PPARGC1A: variants seen among roughly 807,000 people sequenced by gnomAD.
PPARGC1A encodes PPARG coactivator 1 alpha.
A neutral mutation model predicts 88.7 loss-of-function variants in PPARGC1A; 25 were observed. The observed-to-expected ratio is 0.28, with a 90% CI of 0.21 to 0.39. PPARGC1A has a LOEUF of 0.39. Among genes scored for constraint, PPARGC1A ranks in the 10% least tolerant of loss-of-function variants. The pLI, the probability that PPARGC1A is intolerant of heterozygous loss-of-function variation, is 1.00. For synonymous variants in PPARGC1A, 363 were observed against 355.6 expected, an observed-to-expected ratio of 1.02 and a Z score of -0.24; for missense variants, 880 against 968.7, an observed-to-expected ratio of 0.91 and a Z score of 1.22.
At chr4:24,332,186 C>T in the PPARGC1A span, among the ~76,000 whole-genome samples, 2 of 151,768 alleles carry the variant, frequency 1.3e-5, no homozygotes, top group Admixed American at 6.6e-5. Flanking sequence ...TTGTGTTGCC[C>T]AGGCTGATCT....
At chr4:24,015,421 G>A in the PPARGC1A span, among the ~76,000 whole-genome samples, 2 of 152,008 alleles carry the variant, frequency 1.3e-5, no homozygotes, top group African/African-American at 4.8e-5. Context: ...TGGTTTTATG[G>A]GTAAAACAGT....
chr4:23,859,826 A>G (rs138463247), intron 2 of PPARGC1A, among the ~76,000 whole-genome samples: 24,149 of 105,944 alleles, frequency 0.23, 2,947 homozygotes, highest in Middle Eastern at 0.37. Context: ...AAAATAAAAT[A>G]AAATAAAATA....
At chr4:24,100,602 C>T in the PPARGC1A span, among the ~76,000 whole-genome samples, 4 of 151,912 alleles carry the variant, frequency 2.6e-5, no homozygotes, top group Non-Finnish European at 4.4e-5. Flanking sequence ...ATATTGAGTG[C>T]CACAAAATGT....
intron 2 of PPARGC1A, among the ~76,000 whole-genome samples, chr4:23,841,467 T>C (rs1727040318): frequency 6.6e-6 from 1 of 152,084 alleles, no homozygotes; most frequent in Non-Finnish European, 1.5e-5. Flanking sequence ...CCTTAATTCA[T>C]AGCCAAAAGA....
chr4:23,844,793 TATG>T (rs1365671583), intron 2 of PPARGC1A, among the ~76,000 whole-genome samples: 104 of 125,028 alleles, frequency 8.3e-4, no homozygotes, highest in African/African-American at 3.0e-3. Flanking sequence ...TATAATAATA[TATG>T]ATATATATTA....
At chr4:23,878,239 C>G (rs1715199136) in intron 2 of PPARGC1A, among the ~76,000 whole-genome samples, 1 of 151,892 alleles carries the variant, frequency 6.6e-6, no homozygotes, top group South Asian at 2.1e-4. Context: ...TCATTGGTTT[C>G]TCCTATCCCA....
the PPARGC1A span, among the ~76,000 whole-genome samples, chr4:24,185,574 C>T: frequency 6.6e-6 from 1 of 152,202 alleles, no homozygotes; most frequent in Non-Finnish European, 1.5e-5. Flanking sequence ...GTTAGAGCAG[C>T]TGCCAACTTT....
At chr4:24,081,302 T>A in the PPARGC1A span, among the ~76,000 whole-genome samples, 2 of 151,886 alleles carry the variant, frequency 1.3e-5, no homozygotes, top group South Asian at 4.1e-4. Context: ...AGGCAAAAGG[T>A]GGGGTTAAGG....
the PPARGC1A span, among the ~76,000 whole-genome samples, chr4:24,000,640 C>T: frequency 6.6e-6 from 1 of 151,922 alleles, no homozygotes; most frequent in Non-Finnish European, 1.5e-5. Flanking sequence ...ACCCATTATC[C>T]AATAGGATTT....
At chr4:24,188,739 G>T in the PPARGC1A span, among the ~76,000 whole-genome samples, 1 of 152,054 alleles carries the variant, frequency 6.6e-6, no homozygotes, top group Non-Finnish European at 1.5e-5. Context: ...CAATATAGTG[G>T]TTGCTCAAAA....
the PPARGC1A span, among the ~76,000 whole-genome samples, chr4:24,057,653 G>A: frequency 6.6e-5 from 10 of 152,176 alleles, no homozygotes; most frequent in Admixed American, 3.3e-4. Flanking sequence ...TTAACACCAC[G>A]TGTGTACATC....
chr4:24,333,686 C>T, the PPARGC1A span, among the ~76,000 whole-genome samples: 3 of 152,052 alleles, frequency 2.0e-5, no homozygotes, highest in Admixed American at 6.5e-5. Flanking sequence ...GTAATCCCAG[C>T]ACTTTGGGAG....
chr4:24,187,056 C>T, the PPARGC1A span, among the ~76,000 whole-genome samples: 1 of 152,170 alleles, frequency 6.6e-6, no homozygotes, highest in Non-Finnish European at 1.5e-5. Flanking sequence ...TTAGGGACTT[C>T]TAGCTTTTCA....
At chr4:24,428,625 T>C in the PPARGC1A span, among the ~76,000 whole-genome samples, 7 of 152,212 alleles carry the variant, frequency 4.6e-5, no homozygotes, top group Non-Finnish European at 2.9e-5. Context: ...AAGTGTTCTC[T>C]CCAAGTAAAG....
At chr4:24,328,722 C>T in the PPARGC1A span, among the ~76,000 whole-genome samples, 1 of 152,160 alleles carries the variant, frequency 6.6e-6, no homozygotes, top group Admixed American at 6.5e-5. Flanking sequence ...CCCACCCCAT[C>T]CCAATCTCTA....
chr4:24,463,029 T>C, the PPARGC1A span, among the ~76,000 whole-genome samples: 1 of 151,910 alleles, frequency 6.6e-6, no homozygotes, highest in Non-Finnish European at 1.5e-5. Flanking sequence ...CTTCTAGAGA[T>C]TTTTTTCCAT....
chr4:24,194,656 ACACACACACACACC>A, the PPARGC1A span, among the ~76,000 whole-genome samples: 2 of 19,414 alleles, frequency 1.0e-4, no homozygotes, highest in African/African-American at 2.1e-4. Context: ...ACACACACAC[ACACACACACACACC>A]CCCATCAAGA....
At chr4:24,364,154 C>T in the PPARGC1A span, among the ~76,000 whole-genome samples, 1 of 152,140 alleles carries the variant, frequency 6.6e-6, no homozygotes, top group Non-Finnish European at 1.5e-5. Flanking sequence ...TCCAGCATTC[C>T]TAGCTCACAG....
At chr4:24,284,853 C>G in the PPARGC1A span, among the ~76,000 whole-genome samples, 5 of 152,032 alleles carry the variant, frequency 3.3e-5, no homozygotes, top group South Asian at 2.1e-4. Flanking sequence ...ATGGTGAAAC[C>G]CTGTCTTTAC....
Sources: allele counts gnomAD v4.1 joint callset (sites outside exome capture counted in the v4.1 genomes callset), GRCh38; gene constraint gnomAD v4.1.1; transcripts MANE v1.5; gene names NCBI Gene and HGNC (gene_info 2026-07-23, HGNC 2026-07-21).